The following BICRAL variants were observed in gnomAD, a reference collection of about 807,000 sequenced individuals.
BICRAL encodes the protein BICRA like chromatin remodeling complex associated protein, also known as BRD4-interacting chromatin-remodeling complex-associated protein-like.
A neutral mutation model predicts 91.8 loss-of-function variants in BICRAL; 8 were observed. That is an observed-to-expected ratio of 0.09 (90% CI 0.05 to 0.16). The LOEUF is 0.16. Among genes scored for constraint, BICRAL ranks in the 10% least tolerant of loss-of-function variants. The pLI, the probability that BICRAL is intolerant of heterozygous loss-of-function variation, is 1.00. For synonymous variants in BICRAL, 445 were observed against 491.1 expected (o/e 0.91, Z 1.24); for missense variants, 1,038 against 1,310.9 (o/e 0.79, Z 3.21).
At chr6:42,792,186 C>G (rs763656536) in intron 1 of BICRAL, among the ~76,000 whole-genome samples, 2 of 152,152 alleles carry the variant, frequency 1.3e-5, no homozygotes, top group Non-Finnish European at 2.9e-5. Flanking sequence ...TTAATAAACA[C>G]CATACACTTA....
intron 1 of BICRAL, among the ~76,000 whole-genome samples, chr6:42,753,808 C>T (rs191266503): frequency 1.4e-3 from 218 of 152,162 alleles, no homozygotes; most frequent in Non-Finnish European, 2.3e-3. Flanking sequence ...GATGGGGTTT[C>T]ACCATGTTGG....
At chr6:42,782,025 C>CCCGCCG (rs775975045), upstream of BICRAL, 784 of 147,444 alleles carry the variant, frequency 5.3e-3, 5 homozygotes, top group Admixed American at 8.5e-3. Flanking sequence ...CGGCCCCGCG[C>CCCGCCG]CCGCCGCCGC....
chr6:42,857,416 C>A (rs1197544995), intron 10 of BICRAL, among the ~76,000 whole-genome samples, 180 bp downstream of exon 10: 1 of 151,712 alleles, frequency 6.6e-6, no homozygotes. Flanking sequence ...TTGTGACTTA[C>A]ACTTCTCAGT....
intron 2 of BICRAL, among the ~76,000 whole-genome samples, chr6:42,811,351 G>C (rs1763837219): frequency 6.6e-6 from 1 of 152,146 alleles, no homozygotes; most frequent in Non-Finnish European, 1.5e-5. Flanking sequence ...GGCCGGGCAC[G>C]GTGGCTCACG....
intron 2 of BICRAL, among the ~76,000 whole-genome samples, chr6:42,812,276 T>C (rs1763862820): frequency 6.6e-6 from 1 of 152,028 alleles, no homozygotes; most frequent in Non-Finnish European, 1.5e-5. Context: ...CTGGGCAACA[T>C]GGTGAAACCC....
intron 6 of BICRAL, among the ~76,000 whole-genome samples, chr6:42,843,895 T>C (rs13193396): frequency 0.081 from 12,198 of 150,484 alleles, 916 homozygotes; most frequent in African/African-American, 0.19. Flanking sequence ...TTCTCCCTGG[T>C]TGAAGTGATT....
chr6:42,768,868 C>T (rs771884852), intron 1 of BICRAL, among the ~76,000 whole-genome samples: 2 of 152,190 alleles, frequency 1.3e-5, no homozygotes, highest in Non-Finnish European at 2.9e-5. Flanking sequence ...AGAGAGGATC[C>T]TAATGGCCCA....
intron 1 of BICRAL, among the ~76,000 whole-genome samples, chr6:42,754,321 G>A (rs996871495): frequency 3.9e-5 from 6 of 151,956 alleles, no homozygotes; most frequent in South Asian, 2.1e-4. Context: ...ACAGGCGCCC[G>A]CCACCACGCC....
intron 6 of BICRAL, among the ~76,000 whole-genome samples, chr6:42,845,380 G>A (rs1183088622): frequency 6.6e-6 from 1 of 151,150 alleles, no homozygotes; most frequent in Non-Finnish European, 1.5e-5. Context: ...GAGCCACAGC[G>A]CCCAGCCTGC....
chr6:42,836,387 GCTGACTTTTTA>G (rs1369261077), intron 6 of BICRAL, among the ~76,000 whole-genome samples: 1 of 152,092 alleles, frequency 6.6e-6, no homozygotes, highest in Non-Finnish European at 1.5e-5. Flanking sequence ...CTTCAAAGCA[GCTGACTTTTTA>G]TGCCAAAAAG....
chr6:42,829,995 G>A lies in BICRAL; in HGVS notation c.1662G>A (p.Gly554=), dbSNP rs1224311266. The part of the protein sequence containing the change: ...SSASTAHPSL[G]SAVQSGSSGS... ...CCAGCACTGCCCATCCTAGTCTTGG[G>A]TCTGCAGTTCAGTCTGGTTCATCAG... Residue 554 remains glycine (G), a synonymous_variant, in exon 6 of 13, where the codon GGG becomes GGA. Coordinates refer to ENST00000314073, the MANE Select transcript of BICRAL (RefSeq NM_001393499.1). The A allele has an allele frequency of 3.1e-6, 5 of 1,614,182 alleles. No individual in the cohort carries two copies. Among genetic ancestry groups the A allele is most frequent in the Non-Finnish European group, 4.2e-6 (5 of 1,180,038 alleles).
intron 1 of BICRAL, among the ~76,000 whole-genome samples, chr6:42,767,485 C>T (rs1762652543): frequency 6.6e-6 from 1 of 152,128 alleles, no homozygotes; most frequent in African/African-American, 2.4e-5. Context: ...ATCATTAGGT[C>T]CAGGGAACAC....
intron 1 of BICRAL, among the ~76,000 whole-genome samples, chr6:42,786,844 G>T (rs370754907): frequency 1.3e-5 from 2 of 152,300 alleles, no homozygotes; most frequent in East Asian, 1.9e-4. Flanking sequence ...TGGAGAGAAG[G>T]CTCCTCTGAG....
At position 42,865,490 on chromosome 6, in the gene BICRAL, A is replaced by G. The variant is rs1765688206; in HGVS notation, c.*44A>G. The G allele has an allele frequency of 1.1e-6, 1 of 938,366 alleles. No homozygotes were observed. Among genetic ancestry groups the G allele is most frequent in the Admixed American group, 2.5e-5 (1 of 40,530 alleles). 58.1% of individuals were successfully genotyped at this position (938,366 alleles called of 1,614,324 possible). A position where few individuals can be genotyped will look rare whatever the true frequency, so the allele number is the denominator to read the frequency against. ...TACCCCGCCCCGAGACCCCACCCCGAGACCCCACCCCGGACCAGTTACATT... is the reference window on the plus strand; with the variant it reads ...TACCCCGCCCCGAGACCCCACCCCGGGACCCCACCCCGGACCAGTTACATT... On this transcript the variant is annotated 3_prime_UTR_variant, in exon 13 of 13. Transcript: ENST00000314073.
rs1268324321 is a variant in BICRAL, at chr6:42,829,488, T to C, written c.1155T>C (p.Ile385=). ...CAGTGAGCAGCACTGGGGGCAGTAT[T>C]GTTATTCATTCCCCCATGGGCCAAC... is the stretch of plus-strand genomic sequence containing the variant. ...SQAVSSTGGS[I]VIHSPMGQPH... is the part of the protein sequence containing the mutation. Residue 385 remains isoleucine (I), a synonymous_variant, in exon 6 of 13, where the codon ATT becomes ATC. Transcript: ENST00000314073. 1 of 1,614,174 alleles carries C rather than the reference T, an allele frequency of 6.2e-7. No homozygotes were observed. Among genetic ancestry groups the C allele is most frequent in the African/African-American group, 1.3e-5 (1 of 75,062 alleles).
rs1764381753 is a variant in BICRAL at position 42,828,842 on chromosome 6, A to G, written c.509A>G (p.His170Arg). 1 of 1,614,080 alleles carries G rather than the reference A, an allele frequency of 6.2e-7. No individual in the cohort carries two copies. Among genetic ancestry groups the G allele is most frequent in the Admixed American group, 1.7e-5 (1 of 59,994 alleles). Residue 170 changes from histidine (H) to arginine (R), a missense_variant, in exon 6 of 13, where the codon CAT becomes CGT. Physicochemically the swap from His to Arg is conservative, Grantham distance 29 (BLOSUM62 0). Transcript: ENST00000314073. ...ACGCTGCAGCCTATAGGGGTGACGC[A>G]TGTGCCTGTTGGAGCATCGTTTGCA... ...GQTLQPIGVT[H>R]VPVGASFASN... is the part of the protein sequence containing the mutation.
chr6:42,842,845 C>T (rs1197732932), intron 6 of BICRAL, among the ~76,000 whole-genome samples: 1 of 149,620 alleles, frequency 6.7e-6, no homozygotes, highest in Non-Finnish European at 1.5e-5. Context: ...AGCCAACAGT[C>T]AGAACACAGT....
intron 6 of BICRAL, among the ~76,000 whole-genome samples, chr6:42,848,961 C>A (rs35805828): frequency 0.34 from 52,380 of 152,050 alleles, 9,286 homozygotes; most frequent in South Asian, 0.46. Flanking sequence ...ATCATGGGGT[C>A]ACCTTGTAGG....
At chr6:42,831,491 C>T (rs1033606403) in intron 6 of BICRAL, among the ~76,000 whole-genome samples, 8 of 152,194 alleles carry the variant, frequency 5.3e-5, no homozygotes, top group Admixed American at 6.5e-5. Context: ...GATTATGTTT[C>T]TGAAAAGAAT....
Sources: gnomAD v4.1 joint callset for allele counts (sites outside exome capture counted in the v4.1 genomes callset) on GRCh38, gnomAD v4.1.1 for gene constraint, MANE v1.5 for transcripts, NCBI Gene and HGNC (gene_info 2026-07-23, HGNC 2026-07-21) for gene names.